Variants in CYTH1 observed in about 807,000 individuals in gnomAD.
CYTH1 encodes the protein cytohesin 1.
CYTH1 carries 18 observed loss-of-function variants against 61.8 expected under a neutral mutation model. That is an observed-to-expected ratio of 0.29 (90% CI 0.20 to 0.43). The LOEUF (loss-of-function observed/expected upper bound fraction) is 0.43, where lower values mean the gene tolerates loss of function less well. Ranked by LOEUF, CYTH1 falls within the 20% of genes least tolerant of loss-of-function variation. The pLI is 1.00. For missense variants in CYTH1, 336 were observed against 510.5 expected (o/e 0.66, Z 3.29); for synonymous variants, 174 against 184.3 (o/e 0.94, Z 0.45).
At chr17:78,756,227 C>G (rs1389192789) in intron 1 of CYTH1, among the ~76,000 whole-genome samples, 1 of 151,776 alleles carries the variant, frequency 6.6e-6, no homozygotes, top group Non-Finnish European at 1.5e-5. Flanking sequence ...AGGCGCCCAC[C>G]ACCACACCCA....
chr17:78,692,410 T>G lies in CYTH1; in HGVS notation c.891+7A>C. On this transcript the variant is annotated splice_region_variant and intron_variant, in intron 11 of 13. Coordinates refer to ENST00000446868, the MANE Select transcript of CYTH1 (RefSeq NM_004762.6). The stretch of plus-strand genomic sequence containing the variant: ...CCTAGTCTGGAGGCCGACTAGCAGG[T>G]GCTCACCGTGGTATACTCAAAGTAG... 6.2e-7 allele frequency: 1 copy of G among 1,614,096 alleles called. No individual in the cohort carries two copies. The highest frequency in any genetic ancestry group is 8.5e-7 in the Non-Finnish European group (1 of 1,179,990).
At chr17:78,676,355 T>A in intron 13 of CYTH1, 186 bp from the exon 14 acceptor site, 1 of 596,998 alleles carries the variant, frequency 1.7e-6, no homozygotes, top group Non-Finnish European at 2.9e-6. Flanking sequence ...GGTGACACAC[T>A]TCGAAAGAGA....
At chr17:78,726,485 C>T (rs752330562) in intron 1 of CYTH1, among the ~76,000 whole-genome samples, 4 of 152,070 alleles carry the variant, frequency 2.6e-5, no homozygotes, top group Non-Finnish European at 5.9e-5. Flanking sequence ...TGTTACTATT[C>T]CTTTTAAAGA....
At chr17:78,741,631 C>T (rs1411224788) in intron 1 of CYTH1, among the ~76,000 whole-genome samples, 3 of 152,118 alleles carry the variant, frequency 2.0e-5, no homozygotes, top group Admixed American at 6.5e-5. Context: ...TAAGTCAAGA[C>T]GGGGTGCGAG....
rs1225854679 is a variant in CYTH1 at position 78,782,262 on chromosome 17, G to A, written c.-39C>T. The A allele has an allele frequency of 6.5e-6, 8 of 1,223,334 alleles. No homozygotes were observed. The highest frequency in any genetic ancestry group is 8.2e-6 in the Non-Finnish European group (8 of 970,028). 75.8% of individuals were successfully genotyped at this position (1,223,334 alleles called of 1,614,324 possible). On this transcript the variant is annotated 5_prime_UTR_variant, in exon 1 of 14. Coordinates refer to ENST00000446868, the MANE Select transcript of CYTH1 (RefSeq NM_004762.6). ...GGCTCCGCGCTCCGGCTCGCCGCTCGCGTCCCGCCGCGCCACCCGCGCCCC... is the reference window on the plus strand; with the variant it reads ...GGCTCCGCGCTCCGGCTCGCCGCTCACGTCCCGCCGCGCCACCCGCGCCCC...
chr17:78,734,731 C>T (rs1034284738), intron 1 of CYTH1, among the ~76,000 whole-genome samples: 2 of 152,068 alleles, frequency 1.3e-5, no homozygotes, highest in Non-Finnish European at 2.9e-5. Context: ...TGAGCCATCG[C>T]GCCCAGCCAG....
intron 1 of CYTH1, among the ~76,000 whole-genome samples, chr17:78,781,150 C>G (rs1227569163): frequency 6.7e-6 from 1 of 149,100 alleles, no homozygotes; most frequent in East Asian, 1.9e-4. Flanking sequence ...GCCTGGGTGA[C>G]AGAGCGAGAT....
In CYTH1 at chr17:78,700,560, T is replaced by C. The variant is rs568628519; in HGVS notation, c.438-117A>G. ...TTTTTTTTGAGATGGAGTCTCACTCTGTCACCCAGGCTGGAGTGCAGTGGC... is the reference window on the plus strand; with the variant it reads ...TTTTTTTTGAGATGGAGTCTCACTCCGTCACCCAGGCTGGAGTGCAGTGGC... On this transcript the variant is annotated intron_variant, in intron 6 of 13. Coordinates refer to ENST00000446868, the MANE Select transcript of CYTH1 (RefSeq NM_004762.6). The surrounding 1 kb of genome is among the most constrained non-coding windows in gnomAD (Gnocchi z 5.1). The C allele has an allele frequency of 6.4e-6, 5 of 781,238 alleles. No individual in the cohort carries two copies. The South Asian group carries it at 7.5e-5, about 12-fold the overall frequency. The allele number at this position is 781,238 out of a possible 1,614,324, so 48.4% of individuals were successfully genotyped here. A position where few individuals can be genotyped will look rare whatever the true frequency, so the allele number is the denominator to read the frequency against.
chr17:78,780,630 C>T lies in CYTH1; in HGVS notation c.22+1572G>A, dbSNP rs139485623. ...TCAGGCCTGTAATCCCAACACTGTG[C>T]GAGGCAGAGGTGGGAGGACTGCTTG... On this transcript the variant is annotated intron_variant, in intron 1 of 13. Coordinates refer to ENST00000446868, the MANE Select transcript of CYTH1 (RefSeq NM_004762.6). Among the ~76,000 whole-genome samples the T allele has an allele frequency of 2.5e-3, 380 of 152,136 alleles. 1 individual carries two copies. The highest frequency in any genetic ancestry group is 3.1e-3 in the Non-Finnish European group (212 of 67,988).
chr17:78,682,157 C>T (rs929821321), intron 11 of CYTH1, among the ~76,000 whole-genome samples: 2 of 152,140 alleles, frequency 1.3e-5, no homozygotes, highest in African/African-American at 4.8e-5. Flanking sequence ...CCACGTTTCT[C>T]TTCCGACCTG....
chr17:78,753,007 A>T (rs2093386447), intron 1 of CYTH1, among the ~76,000 whole-genome samples: 1 of 152,094 alleles, frequency 6.6e-6, no homozygotes, highest in African/African-American at 2.4e-5. Context: ...GGATTACCAA[A>T]TCTCCCCCAA....
At chr17:78,734,269 C>A (rs1387560105) in intron 1 of CYTH1, among the ~76,000 whole-genome samples, 1 of 151,310 alleles carries the variant, frequency 6.6e-6, no homozygotes, top group South Asian at 2.1e-4. Flanking sequence ...TCAAGGGGGA[C>A]TGACATTAAC....
At chr17:78,726,280 G>C (rs2093266281) in intron 1 of CYTH1, among the ~76,000 whole-genome samples, 1 of 152,000 alleles carries the variant, frequency 6.6e-6, no homozygotes, top group South Asian at 2.1e-4. Flanking sequence ...CTGACCTTGT[G>C]ATCTGCCCGC....
chr17:78,699,236 C>T lies in CYTH1; in HGVS notation c.551-268G>A, dbSNP rs548588616. Reference sequence around the variant, plus strand: ...AAAATTAGCCAGGCGTGGCTGCACGCGCCTGTAATCCCAGCAACTTGGGAG... The same window carrying T: ...AAAATTAGCCAGGCGTGGCTGCACGTGCCTGTAATCCCAGCAACTTGGGAG... On this transcript the variant is annotated intron_variant, in intron 7 of 13. Coordinates refer to ENST00000446868, the MANE Select transcript of CYTH1 (RefSeq NM_004762.6). Among the ~76,000 whole-genome samples, 50 of 152,158 alleles carry T rather than the reference C, an allele frequency of 3.3e-4. No homozygotes were observed. The South Asian group carries it at 8.9e-3, about 27-fold the overall frequency.
At chr17:78,776,329 C>T (rs569260095) in intron 1 of CYTH1, among the ~76,000 whole-genome samples, 1 of 152,028 alleles carries the variant, frequency 6.6e-6, no homozygotes, top group African/African-American at 2.4e-5. Context: ...TGTTTACAAC[C>T]CTGAACATTA....
intron 1 of CYTH1, among the ~76,000 whole-genome samples, chr17:78,779,082 T>C (rs2093505551): frequency 6.6e-6 from 1 of 152,044 alleles, no homozygotes; most frequent in African/African-American, 2.4e-5. Flanking sequence ...TCCTCCAAAA[T>C]AAAAGGATGA....
At chr17:78,724,785 T>C (rs1026180549) in intron 1 of CYTH1, among the ~76,000 whole-genome samples, 1 of 152,172 alleles carries the variant, frequency 6.6e-6, no homozygotes, top group Non-Finnish European at 1.5e-5. Context: ...TCCACTGCCA[T>C]GCCATGGGGG....
At chr17:78,688,407 G>A (rs564529375) in intron 11 of CYTH1, among the ~76,000 whole-genome samples, 5 of 152,354 alleles carry the variant, frequency 3.3e-5, no homozygotes, top group African/African-American at 9.6e-5. Flanking sequence ...CCTGGATTGA[G>A]TACCAGAGTG....
intron 10 of CYTH1, among the ~76,000 whole-genome samples, chr17:78,695,327 A>C (rs959153191): frequency 6.6e-6 from 1 of 152,194 alleles, no homozygotes; most frequent in East Asian, 1.9e-4. Context: ...CCCTTCTCTG[A>C]TCCCCAGGAA....
Sources: allele counts gnomAD v4.1 joint callset (sites outside exome capture counted in the v4.1 genomes callset), GRCh38; gene constraint gnomAD v4.1.1; non-coding constraint Gnocchi (gnomAD v3.1); transcripts MANE v1.5; gene names NCBI Gene and HGNC (gene_info 2026-07-23, HGNC 2026-07-21).